The following NRCAM variants were observed in gnomAD, a reference collection of about 807,000 sequenced individuals.
NRCAM encodes neuronal cell adhesion molecule.
In NRCAM, 83 loss-of-function variants were observed where a neutral mutation model predicts 156.5. That is an observed-to-expected ratio of 0.53 (90% CI 0.44 to 0.64). NRCAM has a LOEUF of 0.64. Ranked by LOEUF, NRCAM falls within the 30% of genes least tolerant of loss-of-function variation. The pLI is 0.00. For missense variants in NRCAM, 1,417 were observed against 1,597.3 expected (o/e 0.89, Z 1.92); for synonymous variants, 538 against 563.9 (o/e 0.95, Z 0.65).
intron 1 of NRCAM, among the ~76,000 whole-genome samples, chr7:108,429,913 A>G (rs1376953440): frequency 6.6e-6 from 1 of 152,242 alleles, no homozygotes; most frequent in African/African-American, 2.4e-5. Context: ...AGCAGCTTAG[A>G]TCTCATTAAA....
chr7:108,320,099 C>A (rs184105391), intron 2 of NRCAM, among the ~76,000 whole-genome samples: 24 of 152,178 alleles, frequency 1.6e-4, no homozygotes, highest in African/African-American at 5.8e-4. Flanking sequence ...AAAGATTTAT[C>A]ATAAGATAAA....
At chr7:108,404,168 TGCACGAGCCTATTAAAAAA>T (rs2099800979) in intron 1 of NRCAM, among the ~76,000 whole-genome samples, 1 of 152,194 alleles carries the variant, frequency 6.6e-6, no homozygotes, top group Non-Finnish European at 1.5e-5. Flanking sequence ...GAGAGCCCGA[TGCACGAGCCTATTAAAAAA>T]GCACGAGTGA....
chr7:108,160,816 C>G (rs948037599), intron 30 of NRCAM, among the ~76,000 whole-genome samples: 1 of 152,152 alleles, frequency 6.6e-6, no homozygotes, highest in Admixed American at 6.5e-5. Flanking sequence ...AAAGTATTCA[C>G]TGTTAACAGG....
At chr7:108,455,188 C>A (rs905994821) in intron 1 of NRCAM, among the ~76,000 whole-genome samples, 8 of 152,164 alleles carry the variant, frequency 5.3e-5, no homozygotes, top group African/African-American at 1.9e-4. Flanking sequence ...CCCTTGCTCA[C>A]CCTACTGCGA....
At chr7:108,321,216 C>T (rs1029948099) in intron 2 of NRCAM, among the ~76,000 whole-genome samples, 11 of 152,164 alleles carry the variant, frequency 7.2e-5, no homozygotes, top group African/African-American at 2.7e-4. Context: ...CCCAAGGATG[C>T]TTTAGCCATG....
intron 2 of NRCAM, among the ~76,000 whole-genome samples, chr7:108,390,696 C>T (rs1322593017): frequency 6.6e-6 from 1 of 151,872 alleles, no homozygotes; most frequent in Non-Finnish European, 1.5e-5. Context: ...TCCTGCTTTC[C>T]CTTGTGGGCA....
chr7:108,239,752 G>A (rs2095409330), intron 4 of NRCAM, among the ~76,000 whole-genome samples: 1 of 152,182 alleles, frequency 6.6e-6, no homozygotes. Context: ...ATGACAGGGA[G>A]GGAATTGTGA....
At chr7:108,223,112 T>C (rs2092743879) in intron 11 of NRCAM, among the ~76,000 whole-genome samples, 1 of 152,142 alleles carries the variant, frequency 6.6e-6, no homozygotes, top group South Asian at 2.1e-4. Flanking sequence ...ATGATGTCTG[T>C]TGTTAGGAGA....
chr7:108,245,137 T>A (rs2095822646), intron 3 of NRCAM, among the ~76,000 whole-genome samples: 1 of 152,102 alleles, frequency 6.6e-6, no homozygotes, highest in Admixed American at 6.6e-5. Flanking sequence ...TGTAGGATGG[T>A]GTCACCTGCT....
rs148453642 is a variant in NRCAM at position 108,155,087 on chromosome 7, CATAT to C, written c.3677+4372_3677+4375del. Among the ~76,000 whole-genome samples, 437 of 114,130 alleles carry C rather than the reference CATAT, an allele frequency of 3.8e-3. 5 individuals carry two copies. The highest frequency in any genetic ancestry group is 0.012 in the African/African-American group (406 of 33,010). 74.9% of individuals were successfully genotyped at this position (114,130 alleles called of 152,430 possible). ...AAGTCATAGAAGATGATTTAAAAGTCATATATATATATATACACACACACACACA... is the reference window on the plus strand; with the variant it reads ...AAGTCATAGAAGATGATTTAAAAGTCATATATATATACACACACACACACA... On this transcript the variant is annotated intron_variant, in intron 32 of 32. Coordinates refer to ENST00000379028, the MANE Select transcript of NRCAM (RefSeq NM_001037132.4).
In NRCAM at chr7:108,317,839, G is replaced by A. The variant is rs534657837; in HGVS notation, c.-173-5108C>T. On this transcript the variant is annotated intron_variant, in intron 2 of 32. Coordinates refer to ENST00000379028, the MANE Select transcript of NRCAM (RefSeq NM_001037132.4). ...CAGGAGAATCACTTGAACCCAGGAG[G>A]CAGAGGTTGCAGTGAGTTGAGATGG... Among the ~76,000 whole-genome samples the A allele has an allele frequency of 1.3e-3, 191 of 151,054 alleles. 1 individual carries two copies. Among genetic ancestry groups the A allele is most frequent in the East Asian group, 3.8e-3 (19 of 5,034 alleles).
chr7:108,197,646 T>C (rs891131234), intron 14 of NRCAM, among the ~76,000 whole-genome samples: 1 of 152,196 alleles, frequency 6.6e-6, no homozygotes, highest in African/African-American at 2.4e-5. Flanking sequence ...GCAATAATAT[T>C]CAGTTGCTAA....
intron 12 of NRCAM, among the ~76,000 whole-genome samples, chr7:108,209,179 T>A (rs892287927): frequency 5.1e-4 from 77 of 152,300 alleles, no homozygotes; most frequent in African/African-American, 1.8e-3. Flanking sequence ...ATATTGACTT[T>A]TCTATTTCCT....
chr7:108,367,815 G>A (rs2099601113), intron 2 of NRCAM, among the ~76,000 whole-genome samples: 1 of 152,094 alleles, frequency 6.6e-6, no homozygotes, highest in Non-Finnish European at 1.5e-5. Context: ...TCTCCAAAAT[G>A]GTTGGAAAAT....
intron 1 of NRCAM, among the ~76,000 whole-genome samples, chr7:108,421,293 T>A (rs1383148778): frequency 6.6e-6 from 1 of 152,224 alleles, no homozygotes; most frequent in African/African-American, 2.4e-5. Context: ...TAGTATATTT[T>A]AGCTAATTTG....
intron 24 of NRCAM, among the ~76,000 whole-genome samples, chr7:108,181,075 C>A (rs1050598772): frequency 9.2e-5 from 14 of 151,988 alleles, no homozygotes; most frequent in African/African-American, 3.1e-4. Context: ...TAAGAAAGTA[C>A]TGATTAATTT....
At chr7:108,337,429 G>A (rs923387738) in intron 2 of NRCAM, among the ~76,000 whole-genome samples, 10 of 152,096 alleles carry the variant, frequency 6.6e-5, no homozygotes, top group South Asian at 2.1e-4. Flanking sequence ...GTTTGCCACC[G>A]TTGCAGACCC....
rs970269510 is a variant in NRCAM at position 108,219,012 on chromosome 7, A to T, written c.890+4713T>A. 3.3e-5 allele frequency among the ~76,000 whole-genome samples: 5 copies of T among 152,344 alleles called. No homozygotes were observed. The South Asian group carries it at 1.0e-3, about 32-fold the overall frequency. ...GAAAATCCAAATAACCTCATCAAGA[A>T]ATGAAAAGGGAGATATTACAACTGA... On this transcript the variant is annotated intron_variant, in intron 11 of 32. Coordinates refer to ENST00000379028, the MANE Select transcript of NRCAM (RefSeq NM_001037132.4).
chr7:108,216,547 A>T (rs569714811), intron 11 of NRCAM, among the ~76,000 whole-genome samples: 1 of 152,296 alleles, frequency 6.6e-6, no homozygotes, highest in South Asian at 2.1e-4. Context: ...TTTCAGGTAC[A>T]CCAATCAAAC....
Sources: allele counts gnomAD v4.1 joint callset (sites outside exome capture counted in the v4.1 genomes callset), GRCh38; gene constraint gnomAD v4.1.1; transcripts MANE v1.5; gene names NCBI Gene and HGNC (gene_info 2026-07-23, HGNC 2026-07-21).